DCC: variants seen among roughly 807,000 people sequenced by gnomAD.
The protein encoded by DCC is DCC netrin 1 receptor.
DCC carries 58 observed loss-of-function variants against 172.5 expected under a neutral mutation model. That is an observed-to-expected ratio of 0.34 (90% confidence interval 0.27 to 0.42). The LOEUF is 0.42. DCC is among the 10% of genes least tolerant of loss of function. The probability of loss-of-function intolerance (pLI) is 1.00; values close to 1 mark genes in which losing one functional copy is unlikely to be tolerated. For missense variants in DCC, 1,740 were observed against 1,791.0 expected, an observed-to-expected ratio of 0.97 and a Z score of 0.51; for synonymous variants, 709 against 644.5, an observed-to-expected ratio of 1.10 and a Z score of -1.52.
At chr18:52,907,380 CATGAT>C (rs1276521335) in intron 3 of DCC, among the ~76,000 whole-genome samples, 1 of 148,948 alleles carries the variant, frequency 6.7e-6, no homozygotes. Flanking sequence ...ATCATATATG[CATGAT>C]ATATGTCATG....
At chr18:52,746,334 T>A (rs1412231492) in intron 1 of DCC, among the ~76,000 whole-genome samples, 1 of 152,220 alleles carries the variant, frequency 6.6e-6, no homozygotes, top group Non-Finnish European at 1.5e-5. Context: ...CATAGCAAGT[T>A]CTATGGGGAT....
At chr18:52,738,895 C>T (rs2036770915) in intron 1 of DCC, among the ~76,000 whole-genome samples, 2 of 43,776 alleles carry the variant, frequency 4.6e-5, no homozygotes, top group Non-Finnish European at 9.7e-5. Flanking sequence ...CCACATCTGG[C>T]TATTTAAAAA....
chr18:52,546,659 T>TATCATCATCATC (rs3086379), intron 1 of DCC, among the ~76,000 whole-genome samples: 3 of 150,194 alleles, frequency 2.0e-5, no homozygotes, highest in East Asian at 2.0e-4. Flanking sequence ...TCAATAATAA[T>TATCATCATCATC]ATCATCATCA....
intron 1 of DCC, among the ~76,000 whole-genome samples, chr18:52,492,553 T>C (rs2030558284): frequency 6.6e-6 from 1 of 151,748 alleles, no homozygotes; most frequent in African/African-American, 2.4e-5. Context: ...GAAGATGAAA[T>C]GATTTGAGTT....
At position 52,348,571 on chromosome 18, in the gene DCC, G is replaced by T. The variant is rs536260051; in HGVS notation, c.91+7693G>T. Among the ~76,000 whole-genome samples the T allele has an allele frequency of 5.0e-3, 754 of 152,138 alleles. 6 individuals are homozygous for T. Among genetic ancestry groups the T allele is most frequent in the African/African-American group, 0.017 (722 of 41,510 alleles). On this transcript the variant is annotated intron_variant, in intron 1 of 28. Coordinates refer to ENST00000442544, the MANE Select transcript of DCC (RefSeq NM_005215.4). ...GTCTGAACATTTTTTCCATTAATTT[G>T]TTAGCTATTTGTGATGTCAGCAAGA...
chr18:53,434,107 G>C (rs1026294988), intron 21 of DCC, among the ~76,000 whole-genome samples: 2 of 152,076 alleles, frequency 1.3e-5, no homozygotes, highest in African/African-American at 4.8e-5. Context: ...ACAAAACCAG[G>C]ACTTGAAAGT....
At chr18:53,093,517 G>C (rs1364865064) in intron 7 of DCC, among the ~76,000 whole-genome samples, 1 of 152,108 alleles carries the variant, frequency 6.6e-6, no homozygotes, top group Non-Finnish European at 1.5e-5. Context: ...TTTGAACTCT[G>C]ACCCCCTAAA....
chr18:52,704,797 T>C (rs1183213520), intron 1 of DCC, among the ~76,000 whole-genome samples: 1 of 152,178 alleles, frequency 6.6e-6, no homozygotes, highest in Non-Finnish European at 1.5e-5. Context: ...CTGATGCCTT[T>C]TCAACTTTTG....
chr18:53,478,629 C>T (rs1253585849), intron 25 of DCC, among the ~76,000 whole-genome samples: 1 of 152,148 alleles, frequency 6.6e-6, no homozygotes, highest in Non-Finnish European at 1.5e-5. Flanking sequence ...AGCAAAAACA[C>T]TGAAGCAAAG....
chr18:53,309,077 A>G (rs965885871), intron 13 of DCC, among the ~76,000 whole-genome samples: 3 of 151,730 alleles, frequency 2.0e-5, no homozygotes, highest in African/African-American at 4.8e-5. Context: ...TTGCTCTCTT[A>G]CCCAGGCTGG....
chr18:52,393,200 A>C (rs1986095270), intron 1 of DCC, among the ~76,000 whole-genome samples: 1 of 152,140 alleles, frequency 6.6e-6, no homozygotes, highest in Non-Finnish European at 1.5e-5. Context: ...CTTAACTATG[A>C]AATGAAAGAA....
chr18:52,570,029 T>G (rs555332536), intron 1 of DCC, among the ~76,000 whole-genome samples: 2 of 152,350 alleles, frequency 1.3e-5, no homozygotes, highest in African/African-American at 4.8e-5. Context: ...GATCCTAGTA[T>G]GAGTGAACTA....
At chr18:53,427,647 T>G (rs968435136) in intron 21 of DCC, among the ~76,000 whole-genome samples, 77 of 151,026 alleles carry the variant, frequency 5.1e-4, no homozygotes, top group African/African-American at 1.8e-3. Flanking sequence ...GGAGGTTAAC[T>G]ACTTTCCTGT....
At chr18:52,522,639 G>T (rs936620109) in intron 1 of DCC, among the ~76,000 whole-genome samples, 8 of 152,110 alleles carry the variant, frequency 5.3e-5, no homozygotes, top group Non-Finnish European at 8.8e-5. Context: ...CTTTATCATT[G>T]CATTGTAATT....
intron 1 of DCC, among the ~76,000 whole-genome samples, chr18:52,634,749 G>C (rs570843417): frequency 6.4e-4 from 98 of 152,168 alleles, no homozygotes; most frequent in Non-Finnish European, 1.0e-3. Context: ...TTGGTATCTT[G>C]ATCTGCTAAA....
chr18:53,372,840 G>T (rs960450010), intron 15 of DCC, among the ~76,000 whole-genome samples: 10 of 152,016 alleles, frequency 6.6e-5, no homozygotes, highest in African/African-American at 2.2e-4. Flanking sequence ...TCTGGGCCTT[G>T]ATCCTCAGAA....
intron 2 of DCC, among the ~76,000 whole-genome samples, chr18:52,797,257 T>A (rs571643253): frequency 2.6e-5 from 4 of 152,210 alleles, no homozygotes; most frequent in Non-Finnish European, 5.9e-5. Flanking sequence ...CAAGATAAAG[T>A]TCCTGTTTTG....
intron 12 of DCC, among the ~76,000 whole-genome samples, chr18:53,255,814 T>C (rs994201636): frequency 2.4e-4 from 36 of 152,178 alleles, no homozygotes; most frequent in Admixed American, 1.3e-4. Flanking sequence ...GTTGAACTAG[T>C]TTACAGTTCC....
intron 5 of DCC, among the ~76,000 whole-genome samples, chr18:53,041,627 T>C (rs2042169940): frequency 6.6e-6 from 1 of 152,116 alleles, no homozygotes; most frequent in Admixed American, 6.6e-5. Context: ...TTTATGATAT[T>C]GAGTCTTTCT....
Sources: allele counts gnomAD v4.1 joint callset (sites outside exome capture counted in the v4.1 genomes callset), GRCh38; gene constraint gnomAD v4.1.1; transcripts MANE v1.5; gene names NCBI Gene and HGNC (gene_info 2026-07-23, HGNC 2026-07-21).